Variants in LUZP1 observed in about 807,000 individuals in gnomAD.
The protein encoded by LUZP1 is leucine zipper protein 1.
In LUZP1, 25 loss-of-function variants were observed where a neutral mutation model predicts 71.3. The ratio of observed to expected loss-of-function variants is 0.35; its 90% CI spans 0.26 to 0.49. The LOEUF is 0.49. Among genes scored for constraint, LUZP1 ranks in the 20% least tolerant of loss-of-function variants. LUZP1 has a pLI of 0.99. For missense variants in LUZP1, 1,142 were observed against 1,300.8 expected, an observed-to-expected ratio of 0.88 and a Z score of 1.88; for synonymous variants, 481 against 506.4, an observed-to-expected ratio of 0.95 and a Z score of 0.67.
At chr1:23,113,886 GA>G (rs933230247) in intron 2 of LUZP1, among the ~76,000 whole-genome samples, 115 of 87,044 alleles carry the variant, frequency 1.3e-3, no homozygotes, top group South Asian at 5.7e-3. Context: ...CTCAAAAAAA[GA>G]AAAAAAAAAA....
exon 5 of LUZP1, chr1:23,088,715 GTC>G: frequency 1.4e-6 from 1 of 719,870 alleles, no homozygotes. Flanking sequence ...CCAGCTTGTA[GTC>G]TCTGATTCCC....
exon 1 of LUZP1, chr1:23,177,667 C>A (rs962986492): frequency 2.5e-4 from 38 of 152,420 alleles, no homozygotes; most frequent in Admixed American, 7.2e-4. Context: ...TGCGGCACTT[C>A]ATGAAATACT....
intron 2 of LUZP1, among the ~76,000 whole-genome samples, chr1:23,168,250 C>T (rs1569718070): frequency 6.7e-6 from 1 of 148,932 alleles, no homozygotes; most frequent in South Asian, 2.1e-4. Context: ...GCTGCTGCAG[C>T]TCCCGGGCCC....
chr1:23,118,457 G>C (rs2124660395), intron 2 of LUZP1, among the ~76,000 whole-genome samples: 1 of 152,240 alleles, frequency 6.6e-6, no homozygotes, highest in East Asian at 1.9e-4. Flanking sequence ...GTAGTACAAT[G>C]GGCAGTAGAA....
intron 2 of LUZP1, among the ~76,000 whole-genome samples, chr1:23,151,282 G>C (rs901204367): frequency 2.0e-5 from 3 of 152,104 alleles, no homozygotes; most frequent in African/African-American, 4.8e-5. Context: ...GATCTCAGGT[G>C]ATCCGCCTGC....
At chr1:23,104,203 G>A (rs954229130) in intron 3 of LUZP1, among the ~76,000 whole-genome samples, 33 of 149,178 alleles carry the variant, frequency 2.2e-4, no homozygotes, top group African/African-American at 7.2e-4. Context: ...TTTTTGAGAC[G>A]GAATCTCGTT....
chr1:23,115,362 G>T (rs190526000), intron 2 of LUZP1, among the ~76,000 whole-genome samples: 1 of 152,230 alleles, frequency 6.6e-6, no homozygotes, highest in East Asian at 1.9e-4. Context: ...CTATGTGTCA[G>T]GTTATTTTTC....
intron 2 of LUZP1, among the ~76,000 whole-genome samples, chr1:23,111,466 G>A (rs1003914439): frequency 2.6e-5 from 4 of 152,050 alleles, no homozygotes; most frequent in African/African-American, 4.8e-5. Context: ...AGACTGAGAC[G>A]GGAGGATCAC....
intron 2 of LUZP1, among the ~76,000 whole-genome samples, chr1:23,123,473 C>T (rs1644146409): frequency 7.7e-6 from 1 of 129,996 alleles, no homozygotes; most frequent in Admixed American, 8.8e-5. Flanking sequence ...GCCTGGGCAA[C>T]AGAGTGAGAC....
At chr1:23,176,276 G>A (rs1644582184) in intron 1 of LUZP1, among the ~76,000 whole-genome samples, 1 of 151,918 alleles carries the variant, frequency 6.6e-6, no homozygotes, top group Non-Finnish European at 1.5e-5. Flanking sequence ...TGGCCAGGCT[G>A]GTATTGAACT....
At chr1:23,173,958 C>A (rs12405002) in intron 1 of LUZP1, among the ~76,000 whole-genome samples, 11 of 151,944 alleles carry the variant, frequency 7.2e-5, no homozygotes, top group Non-Finnish European at 4.4e-5. Flanking sequence ...ATGACAAGGC[C>A]AGGACAAAAA....
intron 2 of LUZP1, among the ~76,000 whole-genome samples, chr1:23,113,173 A>ACGAGATCAGGAGATCGGGACCAT: frequency 6.6e-6 from 1 of 152,144 alleles, no homozygotes; most frequent in East Asian, 1.9e-4. Context: ...CAGGAGGATC[A>ACGAGATCAGGAGATCGGGACCAT]TCTGAGCCCA....
At chr1:23,090,173 G>T (rs965129559) in intron 4 of LUZP1, among the ~76,000 whole-genome samples, 16 of 152,152 alleles carry the variant, frequency 1.1e-4, no homozygotes, top group African/African-American at 3.6e-4. Flanking sequence ...TTAGAGACAG[G>T]AATCTTGGAT....
intron 2 of LUZP1, among the ~76,000 whole-genome samples, chr1:23,155,985 T>A (rs1020783775): frequency 1.3e-5 from 2 of 152,144 alleles, no homozygotes; most frequent in Non-Finnish European, 2.9e-5. Context: ...TGAAACTAGA[T>A]AAAAACAGAG....
intron 2 of LUZP1, among the ~76,000 whole-genome samples, chr1:23,128,120 ACTCT>A (rs2124680080): frequency 6.6e-6 from 1 of 152,114 alleles, no homozygotes; most frequent in South Asian, 2.1e-4. Flanking sequence ...ACAGAGCGAG[ACTCT>A]GTCCCAAAAA....
At chr1:23,150,988 T>C (rs150336331) in intron 2 of LUZP1, among the ~76,000 whole-genome samples, 26 of 152,332 alleles carry the variant, frequency 1.7e-4, no homozygotes, top group African/African-American at 6.3e-4. Flanking sequence ...AAAAGATAAA[T>C]GAATGCCACA....
chr1:23,168,900 C>CG (rs1243595615), exon 2 of LUZP1: 4 of 152,220 alleles, frequency 2.6e-5, no homozygotes, highest in Non-Finnish European at 4.4e-5. Flanking sequence ...TTCTGGAAGG[C>CG]GGGGTCTTTG....
chr1:23,164,596 C>G (rs1010844114), intron 2 of LUZP1, among the ~76,000 whole-genome samples: 3 of 152,038 alleles, frequency 2.0e-5, no homozygotes, highest in African/African-American at 7.2e-5. Context: ...CTCACTAGCA[C>G]AGGTTCCAGG....
At chr1:23,108,557 G>A (rs748864850) in intron 3 of LUZP1, among the ~76,000 whole-genome samples, 6 of 152,136 alleles carry the variant, frequency 3.9e-5, no homozygotes, top group Non-Finnish European at 7.3e-5. Context: ...CCATGATCAC[G>A]CCACCGCCCT....
Sources: gnomAD v4.1 joint callset for allele counts (sites outside exome capture counted in the v4.1 genomes callset) on GRCh38, gnomAD v4.1.1 for gene constraint, MANE v1.5 for transcripts, NCBI Gene and HGNC (gene_info 2026-07-23, HGNC 2026-07-21) for gene names.